The following ATP8A2 variants were observed in gnomAD, a reference collection of about 807,000 sequenced individuals.
The protein encoded by ATP8A2 is phospholipid-transporting ATPase IB.
ATP8A2 carries 100 observed loss-of-function variants against 165.6 expected under a neutral mutation model. The observed-to-expected ratio is 0.60, with a 90% CI of 0.51 to 0.71. ATP8A2 has a LOEUF of 0.71. Ranked by LOEUF, ATP8A2 falls within the 30% of genes least tolerant of loss-of-function variation. The pLI is 0.00. For missense variants in ATP8A2, 1,227 were observed against 1,479.5 expected, an observed-to-expected ratio of 0.83 and a Z score of 2.80; for synonymous variants, 543 against 548.8, an observed-to-expected ratio of 0.99 and a Z score of 0.15.
chr13:25,601,898 C>A (rs1457025500), intron 24 of ATP8A2, among the ~76,000 whole-genome samples: 2 of 152,198 alleles, frequency 1.3e-5, no homozygotes, highest in Non-Finnish European at 2.9e-5. Context: ...TCATGAGTGC[C>A]TAGCACTTTA....
chr13:25,704,986 T>G (rs2043026059), intron 25 of ATP8A2, among the ~76,000 whole-genome samples: 1 of 152,214 alleles, frequency 6.6e-6, no homozygotes, highest in Non-Finnish European at 1.5e-5. Flanking sequence ...TCACATATTT[T>G]TCAACTGTCT....
intron 25 of ATP8A2, among the ~76,000 whole-genome samples, chr13:25,744,332 C>T (rs972509236): frequency 2.0e-5 from 3 of 151,920 alleles, no homozygotes; most frequent in Non-Finnish European, 2.9e-5. Flanking sequence ...ACCACCCCCC[C>T]GTGTGTATGT....
chr13:25,755,911 A>G (rs2044251423), intron 25 of ATP8A2, among the ~76,000 whole-genome samples: 1 of 152,200 alleles, frequency 6.6e-6, no homozygotes. Context: ...CCGTCTCAAA[A>G]AAAAACCCAT....
At chr13:25,757,036 T>A (rs879305827) in intron 25 of ATP8A2, among the ~76,000 whole-genome samples, 2 of 152,136 alleles carry the variant, frequency 1.3e-5, no homozygotes, top group Non-Finnish European at 2.9e-5. Context: ...GTTCACACAT[T>A]GCCAACGCCT....
chr13:25,743,518 C>A (rs147399584), intron 25 of ATP8A2, among the ~76,000 whole-genome samples: 1 of 152,262 alleles, frequency 6.6e-6, no homozygotes, highest in East Asian at 1.9e-4. Flanking sequence ...GCGAGGAAAT[C>A]GTGAGAATTG....
rs542187431 is a variant in ATP8A2 at position 25,792,857 on chromosome 13, G to A, written c.2679+17898G>A. On this transcript the variant is annotated intron_variant, in intron 27 of 36. Coordinates refer to ENST00000381655, the MANE Select transcript of ATP8A2 (RefSeq NM_016529.6). ...GAAGACTGATTAAGCTCATGAGGTC[G>A]AGGCTGCAGTGAGCTATGATCACAG... Among the ~76,000 whole-genome samples, 8 of 151,944 alleles carry A rather than the reference G, an allele frequency of 5.3e-5. No homozygotes were observed. The East Asian group carries it at 1.2e-3, about 22-fold the overall frequency.
intron 27 of ATP8A2, among the ~76,000 whole-genome samples, chr13:25,812,930 G>A (rs1950914869): frequency 2.0e-5 from 3 of 152,086 alleles, no homozygotes; most frequent in Non-Finnish European, 4.4e-5. Flanking sequence ...TCCTTTGCAG[G>A]GACATGGATG....
At chr13:25,654,839 A>G (rs1179511742) in intron 24 of ATP8A2, among the ~76,000 whole-genome samples, 2 of 152,048 alleles carry the variant, frequency 1.3e-5, no homozygotes, top group Non-Finnish European at 2.9e-5. Context: ...ACTTATTTTG[A>G]TGCTGCTGTG....
At chr13:25,623,964 G>T (rs1238699438) in intron 24 of ATP8A2, among the ~76,000 whole-genome samples, 1 of 151,236 alleles carries the variant, frequency 6.6e-6, no homozygotes, top group African/African-American at 2.4e-5. Flanking sequence ...TATCTATATT[G>T]TGTGTGTGTG....
At chr13:25,423,957 T>C (rs1199017586) in intron 1 of ATP8A2, among the ~76,000 whole-genome samples, 1 of 152,098 alleles carries the variant, frequency 6.6e-6, no homozygotes, top group African/African-American at 2.4e-5. Context: ...AAGAGGGATG[T>C]GAGGATGAGG....
intron 28 of ATP8A2, among the ~76,000 whole-genome samples, chr13:25,829,674 A>ATGTG (rs1490822379): frequency 8.7e-4 from 12 of 13,758 alleles, no homozygotes; most frequent in African/African-American, 3.6e-3. Flanking sequence ...TGTGGTATAT[A>ATGTG]TATATATATA....
chr13:25,840,862 T>C (rs895831339), intron 30 of ATP8A2, among the ~76,000 whole-genome samples: 2 of 152,176 alleles, frequency 1.3e-5, no homozygotes, highest in African/African-American at 4.8e-5. Context: ...GCAATTATCC[T>C]CCATACCTGA....
chr13:25,618,951 G>A (rs559262489), intron 24 of ATP8A2, among the ~76,000 whole-genome samples: 10 of 152,094 alleles, frequency 6.6e-5, no homozygotes, highest in Non-Finnish European at 1.3e-4. Context: ...TTGAACTTGG[G>A]TTTCTGTTTT....
chr13:25,680,868 TC>T (rs1294342553), intron 24 of ATP8A2, among the ~76,000 whole-genome samples: 1 of 152,214 alleles, frequency 6.6e-6, no homozygotes, highest in Non-Finnish European at 1.5e-5. Context: ...GCGCTTGGTT[TC>T]TTTTAGAGAT....
At chr13:25,849,518 C>T (rs1438167335) in intron 30 of ATP8A2, among the ~76,000 whole-genome samples, 1 of 152,196 alleles carries the variant, frequency 6.6e-6, no homozygotes, top group Non-Finnish European at 1.5e-5. Flanking sequence ...ATCATTTTGT[C>T]TCTTTAGAAA....
intron 33 of ATP8A2, among the ~76,000 whole-genome samples, chr13:25,940,485 C>T (rs1955040705): frequency 6.6e-6 from 1 of 152,152 alleles, no homozygotes; most frequent in African/African-American, 2.4e-5. Flanking sequence ...CTGGGCAGGC[C>T]CCACCGGCCT....
intron 1 of ATP8A2, among the ~76,000 whole-genome samples, chr13:25,413,097 C>T (rs578248226): frequency 3.3e-5 from 5 of 152,122 alleles, no homozygotes; most frequent in East Asian, 1.9e-4. Flanking sequence ...GGATTACAGG[C>T]GTGAGCCACC....
chr13:25,400,367 T>C (rs2033598289), intron 1 of ATP8A2, among the ~76,000 whole-genome samples: 1 of 152,232 alleles, frequency 6.6e-6, no homozygotes, highest in South Asian at 2.1e-4. Flanking sequence ...ACTTCTTTGC[T>C]TTCTTTTTTT....
chr13:25,429,210 A>G (rs1033951210), intron 1 of ATP8A2, among the ~76,000 whole-genome samples: 5 of 151,970 alleles, frequency 3.3e-5, no homozygotes, highest in Admixed American at 3.3e-4. Context: ...TCTACTAAAA[A>G]TACAAAAAAG....
Sources: gnomAD v4.1 joint callset for allele counts (sites outside exome capture counted in the v4.1 genomes callset) on GRCh38, gnomAD v4.1.1 for gene constraint, MANE v1.5 for transcripts, NCBI Gene and HGNC (gene_info 2026-07-23, HGNC 2026-07-21) for gene names.